Variants in SHROOM3 observed in about 807,000 individuals in gnomAD.
SHROOM3 encodes protein Shroom3.
Under a neutral mutation model 138.6 loss-of-function variants are expected in SHROOM3, and 47 were observed. The ratio of observed to expected loss-of-function variants is 0.34; its 90% confidence interval spans 0.27 to 0.43. SHROOM3 has a LOEUF of 0.43. SHROOM3 is among the 20% of genes least tolerant of loss of function. The pLI is 1.00. For missense variants in SHROOM3, 2,491 were observed against 2,596.5 expected, an observed-to-expected ratio of 0.96 and a Z score of 0.88; for synonymous variants, 1,062 against 1,063.3, an observed-to-expected ratio of 1.00 and a Z score of 0.02.
intron 4 of SHROOM3, among the ~76,000 whole-genome samples, chr4:76,733,792 G>A (rs767249423): frequency 2.0e-5 from 3 of 152,146 alleles, no homozygotes; most frequent in Non-Finnish European, 4.4e-5. Context: ...GCGTAAGAGG[G>A]GGTGAGAGGA....
intron 2 of SHROOM3, among the ~76,000 whole-genome samples, chr4:76,590,906 T>A (rs1734260244): frequency 6.6e-6 from 1 of 152,204 alleles, no homozygotes; most frequent in Non-Finnish European, 1.5e-5. Flanking sequence ...GAGCTTTATA[T>A]GCCTGGCTAT....
chr4:76,518,465 C>A (rs1316149883), intron 1 of SHROOM3, among the ~76,000 whole-genome samples: 2 of 152,084 alleles, frequency 1.3e-5, no homozygotes, highest in East Asian at 1.9e-4. Flanking sequence ...CCCCTCCCCC[C>A]TCCTTCCTTT....
chr4:76,440,865 A>G (rs1277446534), intron 1 of SHROOM3, among the ~76,000 whole-genome samples: 1 of 151,914 alleles, frequency 6.6e-6, no homozygotes, highest in South Asian at 2.1e-4. Flanking sequence ...TGCTGGTTCC[A>G]TCTTCCACAC....
chr4:76,487,226 G>A lies in SHROOM3; in HGVS notation c.168+51006G>A, dbSNP rs138969034. Among the ~76,000 whole-genome samples, 206 of 152,302 alleles carry A rather than the reference G, an allele frequency of 1.4e-3. 1 individual carries two copies. The highest frequency in any genetic ancestry group is 4.7e-3 in the African/African-American group (194 of 41,564). The stretch of plus-strand genomic sequence containing the variant: ...TGGTGGCAAGTTTCTTGCACTTAAC[G>A]TAGTGTTTTCAAGGTTTATCCATGT... On this transcript the variant is annotated intron_variant, in intron 1 of 10. Transcript: ENST00000296043.
At chr4:76,578,472 AACT>A (rs1205572650) in intron 2 of SHROOM3, among the ~76,000 whole-genome samples, 2 of 152,214 alleles carry the variant, frequency 1.3e-5, no homozygotes, top group Non-Finnish European at 2.9e-5. Context: ...TAACTTTGTG[AACT>A]GCATGGGGTT....
chr4:76,483,929 G>C (rs1731673253), intron 1 of SHROOM3, among the ~76,000 whole-genome samples: 1 of 151,810 alleles, frequency 6.6e-6, no homozygotes, highest in African/African-American at 2.4e-5. Flanking sequence ...ATTCATAAGT[G>C]GGAGTTGAAC....
At chr4:76,632,915 G>A (rs1225074980) in intron 2 of SHROOM3, among the ~76,000 whole-genome samples, 2 of 152,068 alleles carry the variant, frequency 1.3e-5, no homozygotes, top group Non-Finnish European at 2.9e-5. Context: ...AGAACAAAAA[G>A]CAATAATAAG....
intron 1 of SHROOM3, among the ~76,000 whole-genome samples, chr4:76,445,432 G>A (rs949636311): frequency 6.6e-5 from 10 of 152,178 alleles, no homozygotes; most frequent in Non-Finnish European, 1.2e-4. Flanking sequence ...TGTCTGTGAG[G>A]TAGAGGTATG....
At chr4:76,440,459 G>T (rs1730647338) in intron 1 of SHROOM3, among the ~76,000 whole-genome samples, 1 of 152,076 alleles carries the variant, frequency 6.6e-6, no homozygotes, top group Admixed American at 6.5e-5. Context: ...GTGAAGTATG[G>T]GATTGATATT....
intron 2 of SHROOM3, among the ~76,000 whole-genome samples, chr4:76,676,790 A>G (rs1719038100): frequency 6.6e-6 from 1 of 151,948 alleles, no homozygotes; most frequent in South Asian, 2.1e-4. Context: ...AAAAATACAA[A>G]AAATTAGCCG....
intron 2 of SHROOM3, among the ~76,000 whole-genome samples, chr4:76,611,959 T>C (rs563083624): frequency 6.6e-6 from 1 of 152,232 alleles, no homozygotes; most frequent in Admixed American, 6.5e-5. Context: ...ATTTTCCTTC[T>C]TGAAATATTC....
chr4:76,560,632 C>T (rs970539449), intron 2 of SHROOM3, among the ~76,000 whole-genome samples: 2 of 152,196 alleles, frequency 1.3e-5, no homozygotes, highest in African/African-American at 4.8e-5. Flanking sequence ...TTGCCAAATA[C>T]TATCCTACTC....
intron 2 of SHROOM3, among the ~76,000 whole-genome samples, chr4:76,657,884 C>A (rs530752449): frequency 6.6e-6 from 1 of 152,324 alleles, no homozygotes; most frequent in African/African-American, 2.4e-5. Context: ...AGATCAGTGC[C>A]AGCTGGGTGT....
chr4:76,489,277 A>G (rs1300382226), intron 1 of SHROOM3, among the ~76,000 whole-genome samples: 1 of 152,204 alleles, frequency 6.6e-6, no homozygotes, highest in African/African-American at 2.4e-5. Context: ...TGTATATAAT[A>G]TTGTCCTTTA....
chr4:76,582,639 A>G (rs1734074761), intron 2 of SHROOM3, among the ~76,000 whole-genome samples: 2 of 152,190 alleles, frequency 1.3e-5, no homozygotes, highest in African/African-American at 4.8e-5. Flanking sequence ...TGAGTAGATG[A>G]GCTACTAGCT....
At chr4:76,725,892 T>C (rs887719013) in intron 3 of SHROOM3, among the ~76,000 whole-genome samples, 5 of 152,208 alleles carry the variant, frequency 3.3e-5, no homozygotes, top group Non-Finnish European at 7.3e-5. Context: ...CTCTGCCTTA[T>C]AGACACTTGC....
At chr4:76,690,492 C>CG (rs1195112468) in intron 2 of SHROOM3, among the ~76,000 whole-genome samples, 3 of 152,164 alleles carry the variant, frequency 2.0e-5, no homozygotes, top group African/African-American at 4.8e-5. Context: ...GCTGTGATAT[C>CG]GGGGGGTGCA....
At chr4:76,645,314 C>A (rs1182595576) in intron 2 of SHROOM3, 1 of 152,172 alleles carries the variant, frequency 6.6e-6, no homozygotes, top group Non-Finnish European at 1.5e-5. Context: ...CCCCACCGGT[C>A]ACTGTTAGCC....
intron 1 of SHROOM3, among the ~76,000 whole-genome samples, chr4:76,468,424 C>G (rs924626492): frequency 6.6e-6 from 1 of 152,110 alleles, no homozygotes; most frequent in Admixed American, 6.6e-5. Context: ...AAAGGGCAAA[C>G]AAATTATAGA....
Sources: allele counts gnomAD v4.1 joint callset (sites outside exome capture counted in the v4.1 genomes callset), GRCh38; gene constraint gnomAD v4.1.1; transcripts MANE v1.5; gene names NCBI Gene and HGNC (gene_info 2026-07-23, HGNC 2026-07-21).